PLEKHA8: variants seen among roughly 807,000 people sequenced by gnomAD.
The protein encoded by PLEKHA8 is pleckstrin homology domain-containing family A member 8.
Under a neutral mutation model 68.2 loss-of-function variants are expected in PLEKHA8, and 36 were observed. The ratio of observed to expected loss-of-function variants is 0.53; its 90% CI spans 0.40 to 0.70. The LOEUF is 0.70. Ranked by LOEUF, PLEKHA8 falls within the 30% of genes least tolerant of loss-of-function variation. PLEKHA8 has a pLI of 0.00. For missense variants in PLEKHA8, 505 were observed against 615.4 expected (o/e 0.82, Z 1.90); for synonymous variants, 211 against 216.1 (o/e 0.98, Z 0.20).
In PLEKHA8 at chr7:30,111,625, CT is replaced by C. The variant is rs879655642; in HGVS notation, c.1363-17629del. Reference sequence around the variant, plus strand: ...GACATTTATTTTATTACCATTAGGACTTTTTTTTTTTTGAGACAGGGTCTCG... The same window carrying C: ...GACATTTATTTTATTACCATTAGGACTTTTTTTTTTTGAGACAGGGTCTCG... On this transcript the variant is annotated intron_variant, in intron 13 of 13. Transcript: ENST00000396257. Among the ~76,000 whole-genome samples, 917 of 142,834 alleles carry C rather than the reference CT, an allele frequency of 6.4e-3. 10 individuals are homozygous for C. The highest frequency in any genetic ancestry group is 0.018 in the African/African-American group (718 of 39,430). 93.7% of individuals were successfully genotyped at this position (142,834 alleles called of 152,430 possible). A position where few individuals can be genotyped will look rare whatever the true frequency, so the allele number is the denominator to read the frequency against.
rs1389367878 is a variant in PLEKHA8, at chr7:30,080,542, G to A, written c.*1755G>A. The A allele has an allele frequency of 2.0e-6, 2 of 985,244 alleles. No homozygotes were observed. The highest frequency in any genetic ancestry group is 3.5e-5 in the African/African-American group (2 of 57,232). The allele number at this position is 985,244 out of a possible 1,614,324, so 61.0% of individuals were successfully genotyped here. A position where few individuals can be genotyped will look rare whatever the true frequency, so the allele number is the denominator to read the frequency against. On this transcript the variant is annotated 3_prime_UTR_variant, in exon 14 of 14. Transcript: ENST00000449726. ...AGGGAGGGGTATTGGTTTTGCCTTT[G>A]TGTGTCTTTAAACAAATGAACATTT...
chr7:30,127,641 AC>A (rs1243337371), intron 13 of PLEKHA8, among the ~76,000 whole-genome samples: 2 of 152,142 alleles, frequency 1.3e-5, no homozygotes, highest in African/African-American at 4.8e-5. Flanking sequence ...GTTTTAGGGC[AC>A]CCCCTTCCAA....
chr7:30,067,717 A>G (rs370078067), intron 12 of PLEKHA8, among the ~76,000 whole-genome samples: 3 of 152,236 alleles, frequency 2.0e-5, no homozygotes, highest in African/African-American at 7.2e-5. Flanking sequence ...TTAAACTTGT[A>G]TATGAGGTAT....
chr7:30,042,121 G>T (rs1173195818), intron 1 of PLEKHA8, among the ~76,000 whole-genome samples: 4 of 152,140 alleles, frequency 2.6e-5, no homozygotes, highest in Non-Finnish European at 5.9e-5. Context: ...TTCCTCCTGC[G>T]ACTGCCTTGA....
intron 9 of PLEKHA8, among the ~76,000 whole-genome samples, chr7:30,056,760 T>TAA (rs1792999474): frequency 3.1e-5 from 4 of 128,596 alleles, no homozygotes; most frequent in African/African-American, 9.0e-5. Flanking sequence ...TGTGTGTGTG[T>TAA]GTGTGTGTGT....
chr7:30,058,707 A>G (rs1229270531), intron 9 of PLEKHA8, among the ~76,000 whole-genome samples: 5 of 152,048 alleles, frequency 3.3e-5, no homozygotes, highest in Non-Finnish European at 7.4e-5. Flanking sequence ...CTTTTTCAAG[A>G]TTGTTATGGA....
At chr7:30,099,177 C>G (rs1428739584) in intron 13 of PLEKHA8, among the ~76,000 whole-genome samples, 2 of 152,160 alleles carry the variant, frequency 1.3e-5, no homozygotes. Context: ...AATATAGCCC[C>G]TTATCAATTC....
chr7:30,117,858 G>GAT lies in PLEKHA8; in HGVS notation c.1363-11407_1363-11406insTA, dbSNP rs904956727. The GAT allele has an allele frequency of 4.2e-5, 27 of 649,466 alleles. No homozygotes were observed. The Middle Eastern group carries it at 1.2e-3, about 29-fold the overall frequency. The allele number at this position is 649,466 out of a possible 1,614,324, so 40.2% of individuals were successfully genotyped here. A position where few individuals can be genotyped will look rare whatever the true frequency, so the allele number is the denominator to read the frequency against. ...TGTTGCCAACAAGATATTAGAAACA[G>GAT]AAGTATAACTACACAACTCTACTTC... On this transcript the variant is annotated intron_variant, in intron 13 of 13. Transcript: ENST00000396257.
intron 13 of PLEKHA8, among the ~76,000 whole-genome samples, chr7:30,128,085 T>C (rs1241326604): frequency 1.4e-5 from 2 of 146,046 alleles, no homozygotes. Flanking sequence ...AGATGAGTTT[T>C]ACTGTATTTT....
At chr7:30,096,507 G>T (rs1364797718) in intron 13 of PLEKHA8, among the ~76,000 whole-genome samples, 1 of 152,046 alleles carries the variant, frequency 6.6e-6, no homozygotes, top group Admixed American at 6.6e-5. Context: ...CTAATTGAAT[G>T]CCCTTTATTT....
chr7:30,095,990 A>T (rs911270056), intron 13 of PLEKHA8, among the ~76,000 whole-genome samples: 11 of 152,118 alleles, frequency 7.2e-5, no homozygotes, highest in Non-Finnish European at 1.5e-4. Context: ...TTGGCTTAGG[A>T]TTGACTTGGC....
chr7:30,035,348 TCAGA>T (rs1385064728), intron 1 of PLEKHA8, among the ~76,000 whole-genome samples: 1 of 152,200 alleles, frequency 6.6e-6, no homozygotes, highest in Non-Finnish European at 1.5e-5. Flanking sequence ...CCCATTAGTG[TCAGA>T]CACTCTGCAG....
rs1247199653 is a variant in PLEKHA8, at chr7:30,115,848, A to G, written c.1363-13418A>G. ...TGCGTGCACATACATGTATACACGT[A>G]TGCATACATACGTGCACATACATGT... On this transcript the variant is annotated intron_variant, in intron 13 of 13. Transcript: ENST00000396257. 14 of 149,852 alleles carry G rather than the reference A, an allele frequency of 9.3e-5. 1 individual carries two copies. Among genetic ancestry groups the G allele is most frequent in the African/African-American group, 3.0e-4 (12 of 40,654 alleles). The allele number at this position is 149,852 out of a possible 1,614,324, so 9.3% of individuals were successfully genotyped here. A position where few individuals can be genotyped will look rare whatever the true frequency, so the allele number is the denominator to read the frequency against.
rs1795070200 is a variant in PLEKHA8 at position 30,083,958 on chromosome 7, G to T, written c.*5171G>T. ...TGTTGATAGGAAGGATGCTCTAGAA[G>T]TACTTCTGTTGTTTCCTAGAAGGCT... On this transcript the variant is annotated 3_prime_UTR_variant, in exon 14 of 14. Transcript: ENST00000449726. 4.1e-6 allele frequency: 4 copies of T among 985,446 alleles called. No individual in the cohort carries two copies. The highest frequency in any genetic ancestry group is 4.8e-6 in the Non-Finnish European group (4 of 829,898). The allele number at this position is 985,446 out of a possible 1,614,324, so 61.0% of individuals were successfully genotyped here.
Position 30,115,997 on chromosome 7 carries a change from TAC to T in PLEKHA8, c.1363-13267_1363-13266del, listed in dbSNP as rs1562558698. ...GCATGCATGCATGTATGCATACGCA[TAC>T]ATACGCATACATACGCATACATACG... On this transcript the variant is annotated intron_variant, in intron 13 of 13. Transcript: ENST00000396257. 2.2e-5 allele frequency: 3 copies of T among 139,328 alleles called. 1 individual carries two copies. The highest frequency in any genetic ancestry group is 8.0e-5 in the African/African-American group (3 of 37,664). 8.6% of individuals were successfully genotyped at this position (139,328 alleles called of 1,614,324 possible). A position where few individuals can be genotyped will look rare whatever the true frequency, so the allele number is the denominator to read the frequency against.
At chr7:30,037,196 A>C (rs1000114083) in intron 1 of PLEKHA8, among the ~76,000 whole-genome samples, 1 of 152,248 alleles carries the variant, frequency 6.6e-6, no homozygotes, top group Admixed American at 6.5e-5. Context: ...TGATATGATA[A>C]TATATATGGG....
intron 13 of PLEKHA8, among the ~76,000 whole-genome samples, chr7:30,127,071 A>G (rs1796784481): frequency 6.6e-6 from 1 of 152,228 alleles, no homozygotes; most frequent in South Asian, 2.1e-4. Flanking sequence ...TAAAAGCTCA[A>G]TAAGAATATC....
chr7:30,055,109 AC>A, intron 8 of PLEKHA8, 147 bp from the exon 9 acceptor site: 1 of 765,386 alleles, frequency 1.3e-6, no homozygotes, highest in Non-Finnish European at 2.2e-6. Context: ...ATTTTATGAG[AC>A]CATATTAGAA....
In PLEKHA8 at chr7:30,082,495, C is replaced by T. The variant is rs1396349948; in HGVS notation, c.*3708C>T. 1 of 985,346 alleles carries T rather than the reference C, an allele frequency of 1.0e-6. No individual in the cohort carries two copies. The allele number at this position is 985,346 out of a possible 1,614,324, so 61.0% of individuals were successfully genotyped here. A position where few individuals can be genotyped will look rare whatever the true frequency, so the allele number is the denominator to read the frequency against. On this transcript the variant is annotated 3_prime_UTR_variant, in exon 14 of 14. Coordinates refer to ENST00000449726, the MANE Select transcript of PLEKHA8 (RefSeq NM_001197026.2). ...AAGGAGCCCATATTCCCATTTGTAG[C>T]TGGAAAGCGGGTGAATGACATGACA...
Sources: allele counts gnomAD v4.1 joint callset (sites outside exome capture counted in the v4.1 genomes callset), GRCh38; gene constraint gnomAD v4.1.1; transcripts MANE v1.5; gene names NCBI Gene and HGNC (gene_info 2026-07-23, HGNC 2026-07-21).